The following NAXD variants were observed in gnomAD, a reference collection of about 807,000 sequenced individuals.
NAXD encodes NAD(P)HX dehydratase.
NAXD carries 22 observed loss-of-function variants against 35.8 expected under a neutral mutation model. The observed-to-expected ratio is 0.62, with a 90% confidence interval of 0.44 to 0.88. NAXD has a LOEUF of 0.88. Among genes scored for constraint, NAXD ranks in the 40% least tolerant of loss-of-function variants. NAXD has a pLI of 0.00. For missense variants in NAXD, 428 were observed against 437.7 expected (o/e 0.98, Z 0.20); for synonymous variants, 189 against 177.6 (o/e 1.06, Z -0.51).
intron 3 of NAXD, among the ~76,000 whole-genome samples, chr13:110,624,740 G>T (rs1886397517): frequency 6.6e-6 from 1 of 152,236 alleles, no homozygotes; most frequent in East Asian, 1.9e-4. Context: ...GGGATTACAG[G>T]CGTGAGCCAC....
At position 110,628,512 on chromosome 13, in the gene NAXD, G is replaced by A. The variant is rs186706269; in HGVS notation, c.441+965G>A. 2.7e-3 allele frequency among the ~76,000 whole-genome samples: 409 copies of A among 152,320 alleles called. 6 individuals are homozygous for A. The highest frequency in any genetic ancestry group is 0.01 in the Admixed American group (158 of 15,298). ...TGCATGGCACTCTGTTGGGTGCTTA[G>A]TTAATGGAGGGGTCTCTGAGGCTGC... is the stretch of plus-strand genomic sequence containing the variant. On this transcript the variant is annotated intron_variant, in intron 5 of 9. Coordinates refer to ENST00000680254, the MANE Select transcript of NAXD (RefSeq NM_001242882.2). This position sits in a 1 kb window ranked among gnomAD's most constrained non-coding sequence, Gnocchi z 4.1.
chr13:110,620,730 T>C (rs1167322551), intron 1 of NAXD, among the ~76,000 whole-genome samples: 2 of 152,172 alleles, frequency 1.3e-5, no homozygotes, highest in Non-Finnish European at 2.9e-5. Context: ...AAAGTAAAAC[T>C]GTAAGAGTTA....
At chr13:110,634,823 C>T in intron 7 of NAXD, 47 bp downstream of exon 7, 2 of 1,424,402 alleles carry the variant, frequency 1.4e-6, no homozygotes, top group Non-Finnish European at 9.8e-7. Context: ...CCTGTTCGTC[C>T]TGAAGAGGGT....
At chr13:110,624,792 C>T (rs188465739) in intron 3 of NAXD, among the ~76,000 whole-genome samples, 4 of 152,274 alleles carry the variant, frequency 2.6e-5, no homozygotes, top group East Asian at 3.9e-4. Context: ...AAACCTAAAG[C>T]GTGATTTGTA....
rs1887013723 is a variant in NAXD, at chr13:110,638,311, G to C, written c.840-67G>C. ...AAACAGGAGTCAAAACCAGAGCCCA[G>C]GGTAGCTGCGGCCCCCGGACCACGA... is the stretch of plus-strand genomic sequence containing the variant. On this transcript the variant is annotated intron_variant, in intron 9 of 9. Coordinates refer to ENST00000680254, the MANE Select transcript of NAXD (RefSeq NM_001242882.2). This position sits in a 1 kb window ranked among gnomAD's most constrained non-coding sequence, Gnocchi z 5.4. The C allele has an allele frequency of 6.2e-7, 1 of 1,611,916 alleles. No homozygotes were observed.
chr13:110,634,908 G>A (rs1886864562), intron 7 of NAXD, 132 bp downstream of exon 7: 1 of 687,208 alleles, frequency 1.5e-6, no homozygotes, highest in African/African-American at 1.8e-5. Context: ...GCCTCTCCCA[G>A]CGGATGGCGC....
At chr13:110,623,514 C>G (rs75665235) in intron 2 of NAXD, among the ~76,000 whole-genome samples, 4,636 of 152,278 alleles carry the variant, frequency 0.03, 191 homozygotes, top group African/African-American at 0.087. Flanking sequence ...GACTGTGACT[C>G]TTGGAGGACG....
chr13:110,622,254 A>T lies in NAXD; in HGVS notation c.85A>T (p.Ile29Leu), dbSNP rs146169705. ...RAFSLRKAHS[I>L]KDMENTLQLV... ...GTTTTCGCTACGTAAAGCACATTCG[A>T]TAAAGGATATGGAAAATACTTTGCA... is the stretch of plus-strand genomic sequence containing the variant. The change falls in exon 2 of 10, where the codon ATA (isoleucine) becomes TTA (leucine). Residue 29 changes from isoleucine (I) to leucine (L), a missense_variant. Ile to Leu is a conservative substitution (Grantham distance 5, BLOSUM62 2). Coordinates refer to ENST00000680254, the MANE Select transcript of NAXD (RefSeq NM_001242882.2). 4.4e-5 allele frequency: 71 copies of T among 1,613,986 alleles called. No individual in the cohort carries two copies. The highest frequency in any genetic ancestry group is 5.9e-5 in the Non-Finnish European group (70 of 1,179,980).
intron 8 of NAXD, among the ~76,000 whole-genome samples, chr13:110,636,396 G>T (rs191030955): frequency 6.6e-6 from 1 of 152,306 alleles, no homozygotes; most frequent in East Asian, 1.9e-4. Context: ...ATGCACAGTT[G>T]TGCTCACAGC....
intron 1 of NAXD, among the ~76,000 whole-genome samples, chr13:110,617,574 G>A (rs1886105863): frequency 6.6e-6 from 1 of 152,324 alleles, no homozygotes; most frequent in East Asian, 1.9e-4. Flanking sequence ...AACAGAAGCT[G>A]TTTATCTTAG....
chr13:110,618,274 T>TCGC (rs1886133061), intron 1 of NAXD, among the ~76,000 whole-genome samples: 1 of 152,218 alleles, frequency 6.6e-6, no homozygotes, highest in African/African-American at 2.4e-5. Flanking sequence ...GGATGGCGCT[T>TCGC]CTTGTTCTCC....
intron 1 of NAXD, among the ~76,000 whole-genome samples, chr13:110,621,046 AGAGACAAC>A (rs1435811540): frequency 2.0e-5 from 3 of 152,210 alleles, no homozygotes; most frequent in Non-Finnish European, 4.4e-5. Flanking sequence ...GTAGCTGTTT[AGAGACAAC>A]TCAAGATGAT....
At chr13:110,627,684 AC>A (rs1886546307) in intron 5 of NAXD, 137 bp downstream of exon 5, 1 of 644,386 alleles carries the variant, frequency 1.6e-6, no homozygotes, top group African/African-American at 1.8e-5. Flanking sequence ...GATTTGAGGG[AC>A]GGAGGAGAAA....
chr13:110,625,149 C>A (rs752265865), intron 3 of NAXD, 41 bp from the exon 4 acceptor site: 1 of 1,496,836 alleles, frequency 6.7e-7, no homozygotes, highest in Non-Finnish European at 9.3e-7. Flanking sequence ...GCAGCGATGC[C>A]GGAGCGATCC....
intron 5 of NAXD, among the ~76,000 whole-genome samples, chr13:110,627,836 G>A (rs928366019): frequency 6.6e-6 from 1 of 152,176 alleles, no homozygotes; most frequent in Non-Finnish European, 1.5e-5. Flanking sequence ...GGGTGAGCAG[G>A]ACTGAGGAGG....
chr13:110,623,942 C>A (rs1175256491), intron 2 of NAXD, among the ~76,000 whole-genome samples: 1 of 146,902 alleles, frequency 6.8e-6, no homozygotes, highest in African/African-American at 2.5e-5. Context: ...GCGGAGGTTG[C>A]AATGAGCCAA....
chr13:110,634,583 T>C lies in NAXD; in HGVS notation c.480T>C (p.Val160=). 13 of 1,614,226 alleles carry C rather than the reference T, an allele frequency of 8.1e-6. No homozygotes were observed. Among genetic ancestry groups the C allele is most frequent in the Non-Finnish European group, 1.1e-5 (13 of 1,180,040 alleles). ...TGTCAAAGGCCAGGGACATCCCTGT[T>C]GTCATCGACGCGGTGAGTTGACTTC... ...LEVSKARDIP[V]VIDADGLWLV... Residue 160 remains valine (V), a synonymous_variant, in exon 6 of 10, where the codon GTT becomes GTC. Transcript: ENST00000680254.
intron 1 of NAXD, chr13:110,615,891 A>T: frequency 1.2e-6 from 1 of 868,970 alleles, no homozygotes; most frequent in Non-Finnish European, 1.5e-6. Context: ...GAGAGGACGG[A>T]GGCCTCCTGG....
intron 5 of NAXD, among the ~76,000 whole-genome samples, chr13:110,632,364 G>A (rs1886732905): frequency 6.6e-6 from 1 of 152,190 alleles, no homozygotes; most frequent in African/African-American, 2.4e-5. Context: ...AAGATTTATT[G>A]CAAAGAGCGA....
Sources: gnomAD v4.1 joint callset for allele counts (sites outside exome capture counted in the v4.1 genomes callset) on GRCh38, gnomAD v4.1.1 for gene constraint, Gnocchi (gnomAD v3.1) non-coding constraint, MANE v1.5 for transcripts, NCBI Gene and HGNC (gene_info 2026-07-23, HGNC 2026-07-21) for gene names.